Variants in VPS13A observed in about 807,000 individuals in gnomAD.
VPS13A encodes intermembrane lipid transfer protein VPS13A.
VPS13A carries 264 observed loss-of-function variants against 390.9 expected under a neutral mutation model. The ratio of observed to expected loss-of-function variants is 0.68; its 90% CI spans 0.61 to 0.75. The LOEUF (loss-of-function observed/expected upper bound fraction) is 0.75, where lower values mean the gene tolerates loss of function less well. Among genes scored for constraint, VPS13A ranks in the 30% least tolerant of loss-of-function variants. The pLI is 0.00. For synonymous variants in VPS13A, 1,231 were observed against 1,227.1 expected (o/e 1.00, Z -0.07); for missense variants, 3,409 against 3,733.9 (o/e 0.91, Z 2.27).
intron 68 of VPS13A, chr9:77,390,021 G>A (rs916377370): frequency 1.2e-5 from 11 of 952,020 alleles, no homozygotes; most frequent in South Asian, 4.9e-5. Flanking sequence ...GCCGTCAGCC[G>A]ACGTGGTCTT....
chr9:77,409,456 TTTGA>T (rs1415402664), intron 71 of VPS13A, among the ~76,000 whole-genome samples: 1 of 152,150 alleles, frequency 6.6e-6, no homozygotes, highest in African/African-American at 2.4e-5. Flanking sequence ...GGAGAATGAC[TTTGA>T]CAAGTTGAGA....
At chr9:77,239,583 A>G (rs1472208557) in intron 19 of VPS13A, among the ~76,000 whole-genome samples, 2 of 151,622 alleles carry the variant, frequency 1.3e-5, no homozygotes, top group African/African-American at 4.8e-5. Flanking sequence ...TACCTGGTAT[A>G]TATTTTTTCT....
intron 39 of VPS13A, among the ~76,000 whole-genome samples, chr9:77,317,078 A>G (rs575864804): frequency 5.9e-5 from 9 of 152,158 alleles, no homozygotes; most frequent in East Asian, 1.9e-4. Context: ...GTATGCATCT[A>G]TAGAAGCATA....
rs1191084755 is a variant in VPS13A, at chr9:77,337,480, G to A, written c.6321G>A (p.Leu2107=). 1 of 1,613,628 alleles carries A rather than the reference G, an allele frequency of 6.2e-7. No individual in the cohort carries two copies. ...DGWDLPYIMH[L]WPPILLRNLL... is the part of the protein sequence containing the mutation. ...GGGATTTACCATACATAATGCATTT[G>A]TGGCCACCTATCCTGCTCCGAAATC... is the stretch of plus-strand genomic sequence containing the variant. The change falls in exon 47 of 72, where the codon TTG becomes TTA. Residue 2107 remains leucine, a synonymous_variant. Transcript: ENST00000360280.
intron 68 of VPS13A, among the ~76,000 whole-genome samples, chr9:77,390,944 G>T (rs2131628795): frequency 6.6e-6 from 1 of 152,186 alleles, no homozygotes; most frequent in South Asian, 2.1e-4. Flanking sequence ...AATATATTAA[G>T]AAAGGATAAA....
At position 77,336,421 on chromosome 9, in the gene VPS13A, A is replaced by C. The variant is rs150541351; in HGVS notation, c.6096-834A>C. On this transcript the variant is annotated intron_variant, in intron 46 of 71. Transcript: ENST00000360280. The stretch of plus-strand genomic sequence containing the variant: ...ATATCATACTGATGTTTAAAAAAAA[A>C]CAGCACTGTTCCGCATCTATTGACT... 1.0e-3 allele frequency among the ~76,000 whole-genome samples: 153 copies of C among 152,326 alleles called. 1 individual carries two copies. Among genetic ancestry groups the C allele is most frequent in the African/African-American group, 3.6e-3 (149 of 41,574 alleles).
intron 71 of VPS13A, among the ~76,000 whole-genome samples, chr9:77,408,660 G>T (rs938985274): frequency 6.6e-6 from 1 of 152,216 alleles, no homozygotes; most frequent in Non-Finnish European, 1.5e-5. Context: ...TGCCTGGCTC[G>T]GAGGGTCCTA....
intron 19 of VPS13A, among the ~76,000 whole-genome samples, chr9:77,245,995 A>G (rs765641874): frequency 2.0e-5 from 3 of 152,140 alleles, no homozygotes; most frequent in Non-Finnish European, 2.9e-5. Flanking sequence ...CTTTTAAACA[A>G]CAAGCTCTAA....
intron 35 of VPS13A, among the ~76,000 whole-genome samples, chr9:77,309,500 G>A (rs1322935824): frequency 7.2e-5 from 11 of 152,152 alleles, no homozygotes; most frequent in Admixed American, 7.2e-4. Context: ...TGTTTGGATA[G>A]TACCCAAACT....
At chr9:77,274,097 T>C (rs1826501322) in intron 24 of VPS13A, among the ~76,000 whole-genome samples, 2 of 152,142 alleles carry the variant, frequency 1.3e-5, no homozygotes, top group Admixed American at 1.3e-4. Flanking sequence ...TAAAGTTGCT[T>C]TTGCAATGGG....
chr9:77,215,152 CA>C (rs972927670), intron 10 of VPS13A, among the ~76,000 whole-genome samples: 5 of 151,652 alleles, frequency 3.3e-5, no homozygotes, highest in African/African-American at 1.2e-4. Flanking sequence ...CAAAAACAAA[CA>C]AAAAAAAGTG....
intron 32 of VPS13A, 151 bp downstream of exon 32, chr9:77,293,659 G>A (rs1827806312): frequency 5.1e-6 from 2 of 392,718 alleles, no homozygotes; most frequent in South Asian, 1.7e-4. Flanking sequence ...TAATAAATGT[G>A]TAGTTCCTTA....
At chr9:77,227,309 T>C in intron 15 of VPS13A, 82 bp from the exon 16 acceptor site, 1 of 1,003,208 alleles carries the variant, frequency 1.0e-6, no homozygotes, top group South Asian at 1.4e-5. Context: ...AAATTTCACA[T>C]TCTGTTTATT....
chr9:77,204,285 TA>T (rs1564627801), intron 3 of VPS13A, among the ~76,000 whole-genome samples: 1 of 152,158 alleles, frequency 6.6e-6, no homozygotes. Context: ...TAAAATATTT[TA>T]AAACTCTCTA....
intron 50 of VPS13A, 104 bp from the exon 51 acceptor site, chr9:77,344,049 G>GT (rs901695681): frequency 4.4e-4 from 501 of 1,138,386 alleles, no homozygotes; most frequent in Non-Finnish European, 4.9e-4. Context: ...GTTAAAACAG[G>GT]TTTTTTTATA....
In VPS13A at chr9:77,227,063, G is replaced by A. The variant is rs189555935; in HGVS notation, c.1358-328G>A. On this transcript the variant is annotated intron_variant, in intron 15 of 71. Coordinates refer to ENST00000360280, the MANE Select transcript of VPS13A (RefSeq NM_033305.3). Reference sequence around the variant, plus strand: ...ACTTCAGTTTTATCATCTATAACATGGGAGGAAATTACAATGTTAATACTA... The same window carrying A: ...ACTTCAGTTTTATCATCTATAACATAGGAGGAAATTACAATGTTAATACTA... Among the ~76,000 whole-genome samples, 68 of 152,242 alleles carry A rather than the reference G, an allele frequency of 4.5e-4. 1 individual carries two copies. Among genetic ancestry groups the A allele is most frequent in the Middle Eastern group, 3.4e-3 (1 of 294 alleles).
chr9:77,390,182 T>A, intron 68 of VPS13A: 1 of 893,096 alleles, frequency 1.1e-6, no homozygotes, highest in Non-Finnish European at 1.3e-6. Flanking sequence ...CTATTGGACT[T>A]CACTCTTCAT....
In VPS13A at chr9:77,368,130, A is replaced by C; in HGVS notation, c.8547A>C (p.Ser2849=). 6.2e-7 allele frequency: 1 copy of C among 1,611,162 alleles called. No homozygotes were observed. The highest frequency in any genetic ancestry group is 8.5e-7 in the Non-Finnish European group (1 of 1,178,756). Residue 2849 remains serine, a synonymous_variant, in exon 62 of 72, where the codon TCA becomes TCC. Coordinates refer to ENST00000360280, the MANE Select transcript of VPS13A (RefSeq NM_033305.3). ...AGTCTGAAGTCATAAGACACTATTC[A>C]AAACAGGTTTGTCTAAGATTATATT... ...DLQSEVIRHY[S]KQAIKQMYVL...
chr9:77,277,510 A>C (rs1236628129), intron 26 of VPS13A, among the ~76,000 whole-genome samples: 1 of 152,168 alleles, frequency 6.6e-6, no homozygotes, highest in African/African-American at 2.4e-5. Flanking sequence ...GTATAATGAC[A>C]TGCATCTACC....
Sources: gnomAD v4.1 joint callset for allele counts (sites outside exome capture counted in the v4.1 genomes callset) on GRCh38, gnomAD v4.1.1 for gene constraint, MANE v1.5 for transcripts, NCBI Gene and HGNC (gene_info 2026-07-23, HGNC 2026-07-21) for gene names.